Variants in STK32B observed in about 807,000 individuals in gnomAD.
The protein encoded by STK32B is serine/threonine kinase 32B, also known as serine/threonine-protein kinase 32B.
Under a neutral mutation model 52.6 loss-of-function variants are expected in STK32B, and 43 were observed. The ratio of observed to expected loss-of-function variants is 0.82; its 90% CI spans 0.64 to 1.05. The LOEUF (loss-of-function observed/expected upper bound fraction) is 1.05, where lower values mean the gene tolerates loss of function less well. Among genes scored for constraint, STK32B ranks in the 50% least tolerant of loss-of-function variants. The probability of loss-of-function intolerance (pLI) is 0.00; values close to 1 mark genes in which losing one functional copy is unlikely to be tolerated. For synonymous variants in STK32B, 238 were observed against 204.3 expected (o/e 1.17, Z -1.41); for missense variants, 621 against 534.6 (o/e 1.16, Z -1.59).
Position 5,362,086 on chromosome 4 carries a change from T to G in STK32B, c.434+30693T>G, listed in dbSNP as rs74577353. Among the ~76,000 whole-genome samples, 492 of 152,320 alleles carry G rather than the reference T, an allele frequency of 3.2e-3. 4 individuals are homozygous for G. Among genetic ancestry groups the G allele is most frequent in the Admixed American group, 0.019 (284 of 15,292 alleles). The stretch of plus-strand genomic sequence containing the variant: ...TAGTAAACAAGCTTACTTTAATGTA[T>G]GAGAGACTTCATCATCATCAAGATG... On this transcript the variant is annotated intron_variant, in intron 4 of 11. Transcript: ENST00000282908.
chr4:5,461,167 G>A (rs1716994205), intron 9 of STK32B, among the ~76,000 whole-genome samples: 1 of 152,168 alleles, frequency 6.6e-6, no homozygotes, highest in Non-Finnish European at 1.5e-5. Context: ...AGCCACCTCT[G>A]CCATCTGTGA....
At chr4:5,402,186 G>T (rs1737337765) in intron 5 of STK32B, among the ~76,000 whole-genome samples, 1 of 152,256 alleles carries the variant, frequency 6.6e-6, no homozygotes, top group South Asian at 2.1e-4. Context: ...TAGAGTCAGA[G>T]AGACTAGACA....
intron 3 of STK32B, among the ~76,000 whole-genome samples, chr4:5,240,149 T>C (rs1434187149): frequency 6.6e-6 from 1 of 152,072 alleles, no homozygotes; most frequent in African/African-American, 2.4e-5. Context: ...AAATATGATT[T>C]CTTTGTATTT....
chr4:5,263,900 T>C (rs746766728), intron 3 of STK32B, among the ~76,000 whole-genome samples: 36 of 152,248 alleles, frequency 2.4e-4, no homozygotes, highest in Admixed American at 8.5e-4. Context: ...GTTTTGCCTA[T>C]TCCAGAATTT....
rs563026106 is a variant in STK32B at position 5,200,495 on chromosome 4, C to T, written c.260+32045C>T. On this transcript the variant is annotated intron_variant, in intron 3 of 11. Coordinates refer to ENST00000282908, the MANE Select transcript of STK32B (RefSeq NM_018401.3). Reference sequence around the variant, plus strand: ...CTCCCAGTTGCTCCCACATGCTCCCCTTCTCCTCCAGGTCCAGGACAGTAG... The same window carrying T: ...CTCCCAGTTGCTCCCACATGCTCCCTTTCTCCTCCAGGTCCAGGACAGTAG... 2.0e-3 allele frequency among the ~76,000 whole-genome samples: 303 copies of T among 152,246 alleles called. 1 individual carries two copies. Among genetic ancestry groups the T allele is most frequent in the Non-Finnish European group, 3.5e-3 (235 of 68,032 alleles).
At chr4:5,402,349 T>C (rs992243422) in intron 5 of STK32B, among the ~76,000 whole-genome samples, 12 of 152,110 alleles carry the variant, frequency 7.9e-5, no homozygotes, top group Non-Finnish European at 1.8e-4. Context: ...GCTTTCCACA[T>C]GGGAGGTGGA....
At chr4:5,168,491 T>G (rs747993362) in intron 3 of STK32B, 41 bp downstream of exon 3, 1 of 1,569,302 alleles carries the variant, frequency 6.4e-7, no homozygotes, top group Non-Finnish European at 8.7e-7. Context: ...GGTTCCCCTG[T>G]GGGGAGCCAA....
intron 3 of STK32B, among the ~76,000 whole-genome samples, chr4:5,323,264 C>T (rs193177331): frequency 3.7e-4 from 57 of 152,198 alleles, no homozygotes; most frequent in African/African-American, 1.2e-3. Flanking sequence ...GAATCACCTC[C>T]GAGGCACAGG....
At chr4:5,081,978 T>C (rs1424843158) in intron 1 of STK32B, among the ~76,000 whole-genome samples, 1 of 152,240 alleles carries the variant, frequency 6.6e-6, no homozygotes, top group Admixed American at 6.5e-5. Flanking sequence ...CACCCTTGCC[T>C]TTCTGTCTTT....
At chr4:5,452,913 T>C (rs1716134651) in intron 7 of STK32B, among the ~76,000 whole-genome samples, 2 of 152,066 alleles carry the variant, frequency 1.3e-5, no homozygotes, top group South Asian at 4.2e-4. Context: ...TACCACCTGG[T>C]ATTCTGACAC....
intron 6 of STK32B, among the ~76,000 whole-genome samples, chr4:5,444,409 C>A (rs561998001): frequency 1.9e-3 from 289 of 152,366 alleles, no homozygotes; most frequent in Admixed American, 3.3e-3. Context: ...AAAGGGAACT[C>A]CCTGACCCCT....
At chr4:5,287,092 A>G (rs28712269) in intron 3 of STK32B, among the ~76,000 whole-genome samples, 46,486 of 152,012 alleles carry the variant, frequency 0.31, 11,697 homozygotes, top group African/African-American at 0.7. Flanking sequence ...CACCGCGCCC[A>G]GCCAGGTGTA....
intron 3 of STK32B, among the ~76,000 whole-genome samples, chr4:5,172,375 G>A (rs371648411): frequency 2.6e-5 from 4 of 152,036 alleles, no homozygotes; most frequent in Non-Finnish European, 4.4e-5. Flanking sequence ...GAGGGCATCC[G>A]TGTCTTGTGC....
rs757079901 is a variant in STK32B, at chr4:5,466,845, C to T, written c.1041+11C>T. On this transcript the variant is annotated intron_variant, in intron 10 of 11. Transcript: ENST00000282908. ...GACAGCTGCCCGCTGGTGAGTGCTT[C>T]GTGGGAGCCGTTCCGGGAGAGAAAT... 6 of 1,610,764 alleles carry T rather than the reference C, an allele frequency of 3.7e-6. No individual in the cohort carries two copies. The highest frequency in any genetic ancestry group is 1.7e-5 in the Admixed American group (1 of 59,462).
At chr4:5,028,160 G>A in the STK32B span, among the ~76,000 whole-genome samples, 1 of 152,202 alleles carries the variant, frequency 6.6e-6, no homozygotes, top group Non-Finnish European at 1.5e-5. Flanking sequence ...TAGAGACAGG[G>A]CCTCCTTCTG....
chr4:5,389,382 G>A (rs1560374480), intron 4 of STK32B, among the ~76,000 whole-genome samples: 1 of 152,180 alleles, frequency 6.6e-6, no homozygotes, highest in African/African-American at 2.4e-5. Flanking sequence ...AAAGCTGGAA[G>A]TCCAGGATAA....
chr4:5,482,968 G>A (rs193032765), intron 11 of STK32B, among the ~76,000 whole-genome samples: 1 of 152,146 alleles, frequency 6.6e-6, no homozygotes, highest in Admixed American at 6.5e-5. Flanking sequence ...GCTTTTTGAT[G>A]TGCTGCTGGA....
intron 3 of STK32B, among the ~76,000 whole-genome samples, chr4:5,319,660 C>G (rs1266799295): frequency 6.6e-6 from 1 of 152,216 alleles, no homozygotes; most frequent in Non-Finnish European, 1.5e-5. Context: ...TGTCCTTGCT[C>G]TCTGCTCCTC....
upstream of STK32B, among the ~76,000 whole-genome samples, chr4:5,050,809 TC>T (rs1193986761): frequency 6.6e-6 from 1 of 152,010 alleles, no homozygotes; most frequent in Non-Finnish European, 1.5e-5. Flanking sequence ...CGATCCAGGC[TC>T]CCGCCGCAGG....
Sources: allele counts gnomAD v4.1 joint callset (sites outside exome capture counted in the v4.1 genomes callset), GRCh38; gene constraint gnomAD v4.1.1; transcripts MANE v1.5; gene names NCBI Gene and HGNC (gene_info 2026-07-23, HGNC 2026-07-21).